ANKRD6: variants seen among roughly 807,000 people sequenced by gnomAD.
The protein encoded by ANKRD6 is ankyrin repeat domain-containing protein 6.
ANKRD6 carries 56 observed loss-of-function variants against 82.3 expected under a neutral mutation model. The ratio of observed to expected loss-of-function variants is 0.68; its 90% CI spans 0.55 to 0.85. ANKRD6 has a LOEUF of 0.85. Among genes scored for constraint, ANKRD6 ranks in the 40% least tolerant of loss-of-function variants. The pLI, the probability that ANKRD6 is intolerant of heterozygous loss-of-function variation, is 0.00. For missense variants in ANKRD6, 852 were observed against 907.6 expected, an observed-to-expected ratio of 0.94 and a Z score of 0.79; for synonymous variants, 347 against 352.1, an observed-to-expected ratio of 0.99 and a Z score of 0.16.
At chr6:89,623,754 C>A in intron 11 of ANKRD6, 118 bp from the exon 12 acceptor site, 1 of 1,277,530 alleles carries the variant, frequency 7.8e-7, no homozygotes. Flanking sequence ...AGTAGGACAC[C>A]ATGAGGTGAA....
At chr6:89,618,965 G>T (rs1315667301) in intron 9 of ANKRD6, among the ~76,000 whole-genome samples, 1 of 152,180 alleles carries the variant, frequency 6.6e-6, no homozygotes, top group Admixed American at 6.5e-5. Flanking sequence ...TAAAGTCTCA[G>T]GGAGTCAAAG....
rs182339111 is a variant in ANKRD6 at position 89,520,097 on chromosome 6, C to T, written c.-143-46737C>T. On this transcript the variant is annotated intron_variant, in intron 1 of 15. Coordinates refer to ENST00000339746, the MANE Select transcript of ANKRD6 (RefSeq NM_001242809.2). Reference sequence around the variant, plus strand: ...TCACCCTCCAGGCTCGATCCTCCTACTTCAGCCTCCCACATACTTGGGACT... The same window carrying T: ...TCACCCTCCAGGCTCGATCCTCCTATTTCAGCCTCCCACATACTTGGGACT... 1.9e-4 allele frequency among the ~76,000 whole-genome samples: 29 copies of T among 152,314 alleles called. No individual in the cohort carries two copies. In the East Asian group the frequency reaches 5.6e-3, roughly 29 times the overall value.
Position 89,617,954 on chromosome 6 carries a change from G to T in ANKRD6, c.715G>T (p.Ala239Ser). ...AGADTTIVNN[A>S]GQTPLETARY... ...CCTGTCCTACTCTGCCTCTCCTCAG[G>T]CAGGCCAGACTCCGCTGGAGACTGC... is the stretch of plus-strand genomic sequence containing the variant. The change falls in exon 9 of 16, where the codon GCA (alanine) becomes TCA (serine). Residue 239 changes from alanine to serine, a missense_variant and splice_region_variant. By Grantham distance (99) the Ala-to-Ser change is moderately conservative. Coordinates refer to ENST00000339746, the MANE Select transcript of ANKRD6 (RefSeq NM_001242809.2). 1.9e-6 allele frequency: 3 copies of T among 1,613,894 alleles called. No individual in the cohort carries two copies. The highest frequency in any genetic ancestry group is 2.5e-6 in the Non-Finnish European group (3 of 1,179,886).
chr6:89,615,722 C>T (rs1467934258), intron 7 of ANKRD6, among the ~76,000 whole-genome samples: 3 of 152,124 alleles, frequency 2.0e-5, no homozygotes, highest in South Asian at 2.1e-4. Context: ...AAAAAAGTAT[C>T]AGGCGCTTTG....
chr6:89,454,020 C>T (rs1031608894), intron 1 of ANKRD6, among the ~76,000 whole-genome samples: 2 of 152,068 alleles, frequency 1.3e-5, no homozygotes, highest in African/African-American at 4.8e-5. Context: ...CCAGGATGGT[C>T]TTGAACTCCT....
rs915366372 is a variant in ANKRD6, at chr6:89,433,274, C to T, written c.-245C>T. 6.6e-6 allele frequency: 1 copy of T among 151,998 alleles called. No homozygotes were observed. The highest frequency in any genetic ancestry group is 1.5e-5 in the Non-Finnish European group (1 of 68,022). The allele number at this position is 151,998 out of a possible 1,614,324, so 9.4% of individuals were successfully genotyped here. On this transcript the variant is annotated 5_prime_UTR_variant, in exon 1 of 16. Transcript: ENST00000339746. This position sits in a 1 kb window ranked among gnomAD's most constrained non-coding sequence, Gnocchi z 4.3. ...CTGGGCGGCGCCGAGGCCCTGGGGCCGCCGGAGCCAGCGGGAGCCAGTCCC... is the reference window on the plus strand; with the variant it reads ...CTGGGCGGCGCCGAGGCCCTGGGGCTGCCGGAGCCAGCGGGAGCCAGTCCC...
At position 89,488,866 on chromosome 6, in the gene ANKRD6, A is replaced by ATCTATTCTATTCTATTCTATTCTAT. The variant is rs57575981; in HGVS notation, c.-144+55526_-144+55550dup. Among the ~76,000 whole-genome samples, 247 of 143,214 alleles carry ATCTATTCTATTCTATTCTATTCTAT rather than the reference A, an allele frequency of 1.7e-3. 1 individual carries two copies. The highest frequency in any genetic ancestry group is 0.01 in the Middle Eastern group (3 of 286). 94.0% of individuals were successfully genotyped at this position (143,214 alleles called of 152,430 possible). Reference sequence around the variant, plus strand: ...AATGTTTCCCACCCAAAATATATCGATCTATTCTATTCTATTCTATTCTAT... The same window carrying ATCTATTCTATTCTATTCTATTCTAT: ...AATGTTTCCCACCCAAAATATATCGATCTATTCTATTCTATTCTATTCTATTCTATTCTATTCTATTCTATTCTAT... On this transcript the variant is annotated intron_variant, in intron 1 of 15. Coordinates refer to ENST00000339746, the MANE Select transcript of ANKRD6 (RefSeq NM_001242809.2).
At chr6:89,436,354 G>A (rs926297245) in intron 1 of ANKRD6, among the ~76,000 whole-genome samples, 11 of 152,174 alleles carry the variant, frequency 7.2e-5, no homozygotes. Context: ...GTCTTGGATA[G>A]GAATGTAACA....
intron 1 of ANKRD6, among the ~76,000 whole-genome samples, chr6:89,476,487 C>A (rs1776052829): frequency 6.6e-6 from 1 of 152,174 alleles, no homozygotes; most frequent in African/African-American, 2.4e-5. Flanking sequence ...GTATTTTTAT[C>A]TTTGACTTTT....
intron 1 of ANKRD6, among the ~76,000 whole-genome samples, chr6:89,476,506 A>C (rs1776054921): frequency 6.6e-6 from 1 of 152,136 alleles, no homozygotes; most frequent in African/African-American, 2.4e-5. Flanking sequence ...TTTCCACAAA[A>C]CTGTCTTATA....
intron 1 of ANKRD6, among the ~76,000 whole-genome samples, chr6:89,475,417 A>G (rs1228360890): frequency 6.6e-6 from 1 of 152,222 alleles, no homozygotes; most frequent in Non-Finnish European, 1.5e-5. Context: ...AAAACAATCT[A>G]AAACCTGCTT....
At chr6:89,506,927 G>T (rs892735799) in intron 1 of ANKRD6, among the ~76,000 whole-genome samples, 2 of 152,216 alleles carry the variant, frequency 1.3e-5, no homozygotes, top group Admixed American at 1.3e-4. Context: ...GGTGAATACT[G>T]CAGGGGCCTC....
intron 13 of ANKRD6, among the ~76,000 whole-genome samples, chr6:89,626,710 G>A (rs1433569509): frequency 6.6e-6 from 1 of 152,204 alleles, no homozygotes; most frequent in African/African-American, 2.4e-5. Context: ...TCATTCTTTG[G>A]TCCTTGTCAA....
At chr6:89,615,618 G>T (rs1801372604) in intron 7 of ANKRD6, among the ~76,000 whole-genome samples, 1 of 152,154 alleles carries the variant, frequency 6.6e-6, no homozygotes, top group Non-Finnish European at 1.5e-5. Flanking sequence ...ACTGTGCAGA[G>T]CTTCCCTTCA....
chr6:89,616,338 G>C (rs564752274), intron 7 of ANKRD6: 1 of 560,120 alleles, frequency 1.8e-6, no homozygotes, highest in East Asian at 3.0e-5. Context: ...CGTGATTTCA[G>C]GTATCCTCAC....
chr6:89,456,803 CT>C (rs1376945303), intron 1 of ANKRD6, among the ~76,000 whole-genome samples: 5 of 152,124 alleles, frequency 3.3e-5, no homozygotes, highest in Non-Finnish European at 7.3e-5. Flanking sequence ...GAAGATTAGC[CT>C]GGATTAAGTA....
At chr6:89,602,793 C>T in intron 3 of ANKRD6, 1 of 510,128 alleles carries the variant, frequency 2.0e-6, no homozygotes, top group Non-Finnish European at 3.5e-6. Flanking sequence ...GCTATTCTTG[C>T]TGTCGGCTTA....
chr6:89,540,370 C>T (rs1784320936), intron 1 of ANKRD6, among the ~76,000 whole-genome samples: 1 of 152,144 alleles, frequency 6.6e-6, no homozygotes, highest in Admixed American at 6.5e-5. Context: ...GTTTGCATTT[C>T]TCTGATCAGT....
intron 1 of ANKRD6, among the ~76,000 whole-genome samples, chr6:89,515,692 C>T (rs1371975320): frequency 2.0e-5 from 3 of 152,200 alleles, no homozygotes; most frequent in Non-Finnish European, 4.4e-5. Context: ...GGTGCTTCTC[C>T]TGGATTATCT....
Sources: allele counts gnomAD v4.1 joint callset (sites outside exome capture counted in the v4.1 genomes callset), GRCh38; gene constraint gnomAD v4.1.1; non-coding constraint Gnocchi (gnomAD v3.1); transcripts MANE v1.5; gene names NCBI Gene and HGNC (gene_info 2026-07-23, HGNC 2026-07-21).